Variants in PARD3B observed in about 807,000 individuals in gnomAD.
PARD3B encodes the protein par-3 family cell polarity regulator beta.
A neutral mutation model predicts 130.2 loss-of-function variants in PARD3B; 103 were observed. The observed-to-expected ratio is 0.79, with a 90% CI of 0.67 to 0.93. The LOEUF (loss-of-function observed/expected upper bound fraction) is 0.93. Among genes scored for constraint, PARD3B ranks in the 40% least tolerant of loss-of-function variants. The pLI, the probability that PARD3B is intolerant of heterozygous loss-of-function variation, is 0.00. For missense variants in PARD3B, 1,609 were observed against 1,499.2 expected (o/e 1.07, Z -1.21); for synonymous variants, 583 against 553.2 (o/e 1.05, Z -0.76).
At chr2:204,706,940 A>G (rs566249470) in intron 2 of PARD3B, among the ~76,000 whole-genome samples, 1 of 152,310 alleles carries the variant, frequency 6.6e-6, no homozygotes, top group African/African-American at 2.4e-5. Flanking sequence ...AGATAAGAAA[A>G]CACGCTTGGA....
At chr2:205,177,284 A>T (rs2035528038) in intron 13 of PARD3B, among the ~76,000 whole-genome samples, 1 of 152,212 alleles carries the variant, frequency 6.6e-6, no homozygotes, top group Non-Finnish European at 1.5e-5. Context: ...TAGAGAAAAG[A>T]AATAAAAAGA....
At chr2:205,119,127 A>C in intron 7 of PARD3B, 81 bp downstream of exon 7, 1 of 1,451,824 alleles carries the variant, frequency 6.9e-7, no homozygotes, top group Non-Finnish European at 9.1e-7. Context: ...TATGATCAAA[A>C]TAGTAGGTAG....
intron 16 of PARD3B, among the ~76,000 whole-genome samples, chr2:205,256,487 G>A (rs1227919566): frequency 6.6e-6 from 1 of 152,104 alleles, no homozygotes; most frequent in African/African-American, 2.4e-5. Context: ...ATGTATAAAT[G>A]CAAATGCACA....
At chr2:205,457,995 C>G (rs925602244) in intron 20 of PARD3B, among the ~76,000 whole-genome samples, 2 of 152,144 alleles carry the variant, frequency 1.3e-5, no homozygotes, top group African/African-American at 4.8e-5. Context: ...ATCCAGAACA[C>G]TTCTGGTCCC....
chr2:205,279,070 CAAA>C (rs57717513), intron 16 of PARD3B, among the ~76,000 whole-genome samples: 64 of 38,870 alleles, frequency 1.6e-3, no homozygotes, highest in African/African-American at 5.7e-3. Flanking sequence ...GAATCTGTCT[CAAA>C]AAAAAAAAAA....
intron 2 of PARD3B, among the ~76,000 whole-genome samples, chr2:204,742,173 A>G (rs1422254227): frequency 1.3e-5 from 2 of 152,170 alleles, no homozygotes; most frequent in Non-Finnish European, 2.9e-5. Context: ...ATCCTTCTGA[A>G]TAAGTATTTC....
At chr2:204,706,872 G>C (rs536228509) in intron 2 of PARD3B, among the ~76,000 whole-genome samples, 2 of 152,202 alleles carry the variant, frequency 1.3e-5, no homozygotes, top group East Asian at 3.9e-4. Flanking sequence ...TTTATATCTG[G>C]TGAAATAATG....
At chr2:204,964,005 G>A (rs1242813264) in intron 2 of PARD3B, among the ~76,000 whole-genome samples, 1 of 152,146 alleles carries the variant, frequency 6.6e-6, no homozygotes, top group East Asian at 1.9e-4. Context: ...TGTTTTGATT[G>A]GTTAACCCTG....
At chr2:204,613,318 A>G (rs1299588011) in intron 1 of PARD3B, among the ~76,000 whole-genome samples, 1 of 152,088 alleles carries the variant, frequency 6.6e-6, no homozygotes, top group East Asian at 1.9e-4. Context: ...TGAGAAGGCC[A>G]CCTTTTACCT....
intron 18 of PARD3B, among the ~76,000 whole-genome samples, chr2:205,380,683 A>T (rs1172782554): frequency 2.6e-4 from 25 of 97,646 alleles, no homozygotes; most frequent in African/African-American, 4.8e-4. Context: ...TAAAGAATAA[A>T]CATATATACT....
At chr2:205,259,683 G>C (rs184394976) in intron 16 of PARD3B, among the ~76,000 whole-genome samples, 8 of 152,050 alleles carry the variant, frequency 5.3e-5, no homozygotes, top group Admixed American at 3.3e-4. Context: ...TTACTATTTA[G>C]TAAAATGATT....
Position 205,309,961 on chromosome 2 carries a change from A to G in PARD3B, c.2630+8260A>G, listed in dbSNP as rs1042121021. On this transcript the variant is annotated intron_variant, in intron 18 of 22. Coordinates refer to ENST00000406610, the MANE Select transcript of PARD3B (RefSeq NM_001302769.2). The surrounding 1 kb of genome is among the most constrained non-coding windows in gnomAD (Gnocchi z 4.7). ...TTTCATTGGAAAGTAAAAACTGTCT[A>G]TATATGGTATGCAACATGATGTTTT... 8.5e-5 allele frequency among the ~76,000 whole-genome samples: 13 copies of G among 152,130 alleles called. No individual in the cohort carries two copies. Among genetic ancestry groups the G allele is most frequent in the Admixed American group, 2.0e-4 (3 of 15,268 alleles).
At chr2:205,513,144 G>A (rs2050656393) in intron 21 of PARD3B, among the ~76,000 whole-genome samples, 1 of 151,982 alleles carries the variant, frequency 6.6e-6, no homozygotes, top group African/African-American at 2.4e-5. Flanking sequence ...TTCAGAGGAG[G>A]AAATCGTGCT....
intron 2 of PARD3B, among the ~76,000 whole-genome samples, chr2:204,865,151 G>T (rs1033568854): frequency 6.6e-6 from 1 of 152,118 alleles, no homozygotes; most frequent in Non-Finnish European, 1.5e-5. Flanking sequence ...GGTAAAAAGA[G>T]AACACTTTTA....
intron 15 of PARD3B, among the ~76,000 whole-genome samples, chr2:205,236,162 A>C (rs3856508): frequency 0.82 from 124,716 of 152,180 alleles, 51,573 homozygotes; most frequent in East Asian, 0.98. Context: ...AATAGTGTGG[A>C]AACCTTGTAG....
intron 18 of PARD3B, among the ~76,000 whole-genome samples, chr2:205,319,318 T>C (rs903697809): frequency 2.0e-5 from 3 of 152,230 alleles, no homozygotes; most frequent in African/African-American, 2.4e-5. Context: ...AGCCCCACTC[T>C]GAAGTCCATG....
intron 3 of PARD3B, among the ~76,000 whole-genome samples, chr2:204,989,104 G>C (rs1693421275): frequency 6.6e-6 from 1 of 152,122 alleles, no homozygotes. Context: ...GTAATGTTAA[G>C]GGGGGTACAG....
At chr2:204,742,941 A>T (rs2040068779) in intron 2 of PARD3B, among the ~76,000 whole-genome samples, 2 of 152,202 alleles carry the variant, frequency 1.3e-5, no homozygotes, top group East Asian at 3.9e-4. Flanking sequence ...CATTGTTTCC[A>T]TTTACAAAGC....
rs1362783542 is a variant in PARD3B, at chr2:205,405,725, A to ATTCTGACAATATGT, written c.2741+4602_2741+4603insTTCTGACAATATGT. Among the ~76,000 whole-genome samples the ATTCTGACAATATGT allele has an allele frequency of 6.6e-6, 1 of 152,234 alleles. No individual in the cohort carries two copies. The highest frequency in any genetic ancestry group is 1.5e-5 in the Non-Finnish European group (1 of 68,048). ...TCAGGGGTTGACAATATGTCCGATG[A>ATTCTGACAATATGT]CAGAATCAGCAGGAACAATGGACTG... On this transcript the variant is annotated intron_variant, in intron 19 of 22. Coordinates refer to ENST00000406610, the MANE Select transcript of PARD3B (RefSeq NM_001302769.2). This position sits in a 1 kb window ranked among gnomAD's most constrained non-coding sequence, Gnocchi z 4.1.
Sources: allele counts gnomAD v4.1 joint callset (sites outside exome capture counted in the v4.1 genomes callset), GRCh38; gene constraint gnomAD v4.1.1; non-coding constraint Gnocchi (gnomAD v3.1); transcripts MANE v1.5; gene names NCBI Gene and HGNC (gene_info 2026-07-23, HGNC 2026-07-21).